The following TTC19 variants were observed in gnomAD, a reference collection of about 807,000 sequenced individuals.
TTC19 encodes the protein tetratricopeptide repeat domain 19.
In TTC19, 38 loss-of-function variants were observed where a neutral mutation model predicts 49.5. The ratio of observed to expected loss-of-function variants is 0.77; its 90% CI spans 0.59 to 1.01. The LOEUF (loss-of-function observed/expected upper bound fraction) is 1.01, where lower values mean the gene tolerates loss of function less well. Among genes scored for constraint, TTC19 ranks in the 50% least tolerant of loss-of-function variants. TTC19 has a pLI of 0.00. For synonymous variants in TTC19, 204 were observed against 185.2 expected, an observed-to-expected ratio of 1.10 and a Z score of -0.83; for missense variants, 475 against 477.7, an observed-to-expected ratio of 0.99 and a Z score of 0.05.
In TTC19 at chr17:16,038,501, A is replaced by G. The variant is rs117512990; in HGVS notation, c.248-6002A>G. Among the ~76,000 whole-genome samples the G allele has an allele frequency of 1.9e-3, 294 of 151,156 alleles. 5 individuals are homozygous for G. The highest frequency in any genetic ancestry group is 0.015 in the Admixed American group (222 of 15,170). ...ACCTGGGCTGGAGTGCAGTGGTGCA[A>G]TTGCAGCTCACTGCAACCTCTGCCT... On this transcript the variant is annotated intron_variant, in intron 2 of 2. Coordinates refer to the TTC19 transcript ENST00000470649.
At chr17:16,040,442 T>C in intron 2 of TTC19, 1 of 1,613,562 alleles carries the variant, frequency 6.2e-7, no homozygotes, top group Non-Finnish European at 8.5e-7. Context: ...CAATCTTACC[T>C]GACGTAGTAA....
intron 6 of TTC19, among the ~76,000 whole-genome samples, chr17:16,006,270 C>G (rs1970904466): frequency 6.6e-6 from 1 of 152,082 alleles, no homozygotes; most frequent in South Asian, 2.1e-4. Context: ...ATTAGCTGGG[C>G]ATAGTGGCGG....
intron 4 of TTC19, among the ~76,000 whole-genome samples, chr17:16,003,297 T>C (rs536669944): frequency 2.0e-4 from 30 of 152,140 alleles, no homozygotes; most frequent in African/African-American, 7.0e-4. Context: ...GTTGCCCAGG[T>C]TGGAGTGCGG....
exon 3 of TTC19, chr17:16,044,749 G>T (rs984038445): frequency 2.5e-6 from 2 of 808,704 alleles, no homozygotes; most frequent in Non-Finnish European, 4.4e-6. Context: ...AACCTTTTTG[G>T]TCCAGCTTGT....
chr17:16,039,424 A>G (rs1452151013), intron 2 of TTC19: 5 of 1,610,368 alleles, frequency 3.1e-6, no homozygotes, highest in Non-Finnish European at 4.2e-6. Context: ...ACTAAAATGA[A>G]AGCTGTACCT....
In TTC19 at chr17:16,029,297, T is replaced by C. The variant is rs975041070; in HGVS notation, c.*1775T>C. ...TTTTCATTACAGTTCATTTACACTG[T>C]TGTAAAATAAGGTACTGAAGCAAAA... On this transcript the variant is annotated 3_prime_UTR_variant, in exon 10 of 10. Coordinates refer to ENST00000261647, the MANE Select transcript of TTC19 (RefSeq NM_017775.4). The C allele has an allele frequency of 2.2e-6, 1 of 450,062 alleles. No homozygotes were observed. Among genetic ancestry groups the C allele is most frequent in the East Asian group, 7.0e-5 (1 of 14,378 alleles). The allele number at this position is 450,062 out of a possible 1,614,324, so 27.9% of individuals were successfully genotyped here.
chr17:15,999,959 G>A lies in TTC19; in HGVS notation c.111G>A (p.Gly37=), dbSNP rs2151640052. The A allele has an allele frequency of 1.5e-6, 2 of 1,318,898 alleles. No individual in the cohort carries two copies. Among genetic ancestry groups the A allele is most frequent in the Non-Finnish European group, 1.9e-6 (2 of 1,039,682 alleles). The allele number at this position is 1,318,898 out of a possible 1,614,324, so 81.7% of individuals were successfully genotyped here. A position where few individuals can be genotyped will look rare whatever the true frequency, so the allele number is the denominator to read the frequency against. The part of the protein sequence containing the change: ...RLLPGLAGGP[G]PEVQVPPSRV... ...TCCCGGGGCTGGCAGGAGGTCCGGG[G>A]CCCGAGGTGCAGGTGCCGCCATCCC... The change falls in exon 1 of 10, where the codon GGG becomes GGA. Residue 37 remains glycine (G), a synonymous_variant. Transcript: ENST00000261647.
intron 7 of TTC19, among the ~76,000 whole-genome samples, chr17:16,014,167 A>G (rs888702899): frequency 2.0e-5 from 3 of 152,232 alleles, no homozygotes; most frequent in Non-Finnish European, 4.4e-5. Context: ...GATGTTTCTC[A>G]TAGGATCAAG....
chr17:16,001,839 T>G (rs1331414680), intron 2 of TTC19, 76 bp from the exon 3 acceptor site: 1 of 951,530 alleles, frequency 1.1e-6, no homozygotes, highest in East Asian at 2.5e-5. Flanking sequence ...GGATGTACAG[T>G]TGCATACACT....
chr17:16,013,314 TTGCTTTTA>T (rs1352318450), intron 7 of TTC19, among the ~76,000 whole-genome samples: 1 of 152,254 alleles, frequency 6.6e-6, no homozygotes, highest in Admixed American at 6.5e-5. Context: ...CTAATTTCCT[TTGCTTTTA>T]TTCATCTTTA....
In TTC19 at chr17:16,004,421, C is replaced by T. The variant is rs1970832664; in HGVS notation, c.581+159C>T. Among the ~76,000 whole-genome samples, 7 of 152,274 alleles carry T rather than the reference C, an allele frequency of 4.6e-5. No individual in the cohort carries two copies. The South Asian group carries it at 1.5e-3, about 32-fold the overall frequency. On this transcript the variant is annotated intron_variant, in intron 6 of 9. Coordinates refer to ENST00000261647, the MANE Select transcript of TTC19 (RefSeq NM_017775.4). ...ATCTTTGAAATTGTCAGTCTTTTTCCAGTTTGCCCCTACTGTTTCCATCAG... is the reference window on the plus strand; with the variant it reads ...ATCTTTGAAATTGTCAGTCTTTTTCTAGTTTGCCCCTACTGTTTCCATCAG...
At chr17:16,020,776 G>A (rs549734020) in intron 7 of TTC19, among the ~76,000 whole-genome samples, 2 of 152,158 alleles carry the variant, frequency 1.3e-5, no homozygotes, top group East Asian at 3.9e-4. Context: ...GATATCAAGT[G>A]ATCCTCCCAC....
chr17:16,041,507 G>A (rs746251373), intron 2 of TTC19, among the ~76,000 whole-genome samples: 8 of 146,362 alleles, frequency 5.5e-5, no homozygotes, highest in East Asian at 2.0e-4. Context: ...TCTGCCTCCT[G>A]GGTTCAAGCA....
chr17:16,031,073 TA>T, downstream of TTC19: 1 of 192,450 alleles, frequency 5.2e-6, no homozygotes, highest in Non-Finnish European at 1.1e-5. Flanking sequence ...TAATGAAAGA[TA>T]AAACTGGCCC....
intron 9 of TTC19, chr17:16,027,157 A>G (rs899681654): frequency 3.4e-5 from 20 of 588,412 alleles, no homozygotes; most frequent in African/African-American, 2.8e-4. Flanking sequence ...TGGGCTCATC[A>G]AAGTCCTCAG....
At chr17:16,043,383 C>A (rs2058087110) in intron 2 of TTC19, among the ~76,000 whole-genome samples, 1 of 152,038 alleles carries the variant, frequency 6.6e-6, no homozygotes, top group Non-Finnish European at 1.5e-5. Flanking sequence ...CTCCTTTCCA[C>A]CATGAAAAAT....
intron 7 of TTC19, among the ~76,000 whole-genome samples, chr17:16,012,702 C>G (rs1265701994): frequency 1.3e-5 from 2 of 151,972 alleles, no homozygotes; most frequent in South Asian, 2.1e-4. Context: ...CCACGCCTGG[C>G]TAATTTTGTA....
At chr17:16,043,487 T>C (rs1382623419) in intron 2 of TTC19, among the ~76,000 whole-genome samples, 1 of 152,252 alleles carries the variant, frequency 6.6e-6, no homozygotes, top group Non-Finnish European at 1.5e-5. Context: ...AGTTAGGTAC[T>C]TGTTTCATCA....
intron 2 of TTC19, among the ~76,000 whole-genome samples, chr17:16,000,758 C>T (rs1000967598): frequency 1.3e-5 from 2 of 152,082 alleles, no homozygotes; most frequent in African/African-American, 4.8e-5. Context: ...TTTGTATTTC[C>T]ATTCTGTAGT....
Sources: allele counts gnomAD v4.1 joint callset (sites outside exome capture counted in the v4.1 genomes callset), GRCh38; gene constraint gnomAD v4.1.1; transcripts MANE v1.5; gene names NCBI Gene and HGNC (gene_info 2026-07-23, HGNC 2026-07-21).